Variants in TTN observed in about 807,000 individuals in gnomAD.
TTN encodes the protein connectin.
TTN carries 1,525 observed loss-of-function variants against 3,223.0 expected under a neutral mutation model. The observed-to-expected ratio is 0.47, with a 90% confidence interval of 0.45 to 0.49. The LOEUF (loss-of-function observed/expected upper bound fraction) is 0.49. Ranked by LOEUF, TTN falls within the 20% of genes least tolerant of loss-of-function variation. The pLI, the probability that TTN is intolerant of heterozygous loss-of-function variation, is 0.00. For missense variants in TTN, 40,786 were observed against 43,424.0 expected (o/e 0.94, Z 5.40); for synonymous variants, 14,094 against 15,161.0 (o/e 0.93, Z 5.17).
rs2062546208 is a variant in TTN at position 178,649,347 on chromosome 2, T to G, written c.39974-16A>C. The G allele has an allele frequency of 2.1e-6, 3 of 1,421,558 alleles. No homozygotes were observed. In the East Asian group the frequency reaches 7.9e-5, roughly 37 times the overall value. 88.1% of individuals were successfully genotyped at this position (1,421,558 alleles called of 1,614,324 possible). A position where few individuals can be genotyped will look rare whatever the true frequency, so the allele number is the denominator to read the frequency against. Reference sequence around the variant, plus strand: ...ACCTCAGGCACTTTGAAGATATTAGTTTTGTTTTAAAAATAGTATTTAAAA... The same window carrying G: ...ACCTCAGGCACTTTGAAGATATTAGGTTTGTTTTAAAAATAGTATTTAAAA... On this transcript the variant is annotated splice_polypyrimidine_tract_variant and intron_variant, in intron 212 of 362. Transcript: ENST00000589042.
At position 178,565,055 on chromosome 2, in the gene TTN, G is replaced by A. The variant is rs1371024440; in HGVS notation, c.81077C>T (p.Thr27026Ile). The change falls in exon 326 of 363, where the codon ACA becomes ATA. Residue 27026 changes from threonine to isoleucine, a missense_variant. Coordinates refer to ENST00000589042, the MANE Select transcript of TTN (RefSeq NM_001267550.2). Reference protein sequence around the residue: ...TTTTWHMVSATVARTTIKITK... With the variant: ...TTTTWHMVSAIVARTTIKITK... ...TATTTTAATTGTTGTTCTTGCAACT[G>A]TTGCTGATACCATGTGCCAAGTGGT... 6.2e-7 allele frequency: 1 copy of A among 1,613,652 alleles called. No homozygotes were observed.
chr2:178,547,540 A>G lies in TTN; in HGVS notation c.94086T>C (p.Ser31362=), dbSNP rs919009792. Residue 31362 remains serine, a synonymous_variant, in exon 339 of 363, where the codon AGT becomes AGC. Transcript: ENST00000589042. The stretch of plus-strand genomic sequence containing the variant: ...TGACTTTAATTTGAGTGCGCTTGAC[A>G]CTGGAATTGACAAGCTGCCAAGCTG... ...GTTAWQLVNS[S]VKRTQIKVTH... 6.2e-7 allele frequency: 1 copy of G among 1,613,824 alleles called. No individual in the cohort carries two copies. The highest frequency in any genetic ancestry group is 8.5e-7 in the Non-Finnish European group (1 of 1,179,808).
At chr2:178,624,966 T>C (rs2058812179) in intron 241 of TTN, among the ~76,000 whole-genome samples, 1 of 151,988 alleles carries the variant, frequency 6.6e-6, no homozygotes, top group Non-Finnish European at 1.5e-5. Context: ...CAGCCAACTC[T>C]TGGTTAATAA....
At chr2:178,805,037 T>A (rs976702827) in intron 1 of TTN, among the ~76,000 whole-genome samples, 1 of 152,140 alleles carries the variant, frequency 6.6e-6, no homozygotes, top group African/African-American at 2.4e-5. Context: ...ACAAGACATG[T>A]GATAAATGTA....
chr2:178,534,905 T>C lies in TTN; in HGVS notation c.101710A>G (p.Ile33904Val). Reference protein sequence around the residue: ...FISGLDIFERINTSAFELNER... With the variant: ...FISGLDIFERVNTSAFELNER... ...TTAAGTTCAAAAGCACTTGTGTTAATGCGCTCAAATATGTCAAGTCCTGAT... is the reference window on the plus strand; with the variant it reads ...TTAAGTTCAAAAGCACTTGTGTTAACGCGCTCAAATATGTCAAGTCCTGAT... The change falls in exon 358 of 363, where the codon ATT becomes GTT. Residue 33904 changes from isoleucine to valine, a missense_variant. Ile to Val is a conservative substitution (Grantham distance 29, BLOSUM62 3). Transcript: ENST00000589042. 5.6e-6 allele frequency: 9 copies of C among 1,609,966 alleles called. No individual in the cohort carries two copies. The highest frequency in any genetic ancestry group is 7.6e-6 in the Non-Finnish European group (9 of 1,179,792).
chr2:178,539,764 CCT>C lies in TTN; in HGVS notation c.98299_98300del (p.Arg32767GlyfsTer2), dbSNP rs397517776. 13 of 1,613,662 alleles carry C rather than the reference CCT, an allele frequency of 8.1e-6. No individual in the cohort carries two copies. Among genetic ancestry groups the C allele is most frequent in the Non-Finnish European group, 1.1e-5 (13 of 1,179,770 alleles). On this transcript the variant is annotated frameshift_variant, in exon 352 of 363. Transcript: ENST00000589042. LOFTEE classifies it high-confidence loss of function. Reference protein sequence around the residue: ...HTELVIKEADRGDSGTYDLVL... With the variant: ...HTELVIKEADXGDSGTYDLVL... Reference sequence around the variant, plus strand: ...CCAGGTCATAAGTGCCAGAATCACCCCTGTCTGCTTCTTTGATCACAAGCTCA... The same window carrying C: ...CCAGGTCATAAGTGCCAGAATCACCCGTCTGCTTCTTTGATCACAAGCTCA...
At chr2:178,699,284 A>T (rs1305468648) in intron 111 of TTN, among the ~76,000 whole-genome samples, 13 of 151,566 alleles carry the variant, frequency 8.6e-5, no homozygotes. Context: ...AAGAGTAACA[A>T]GTGGGTTTAA....
At chr2:178,669,301 TA>T in intron 159 of TTN, 71 bp downstream of exon 159, 1 of 1,286,628 alleles carries the variant, frequency 7.8e-7, no homozygotes, top group African/African-American at 1.5e-5. Context: ...TTTTCAAAGC[TA>T]AAAAGACAAA....
rs922401573 is a variant in TTN, at chr2:178,779,910, G to C, written c.3729+90C>G. ...GACCTTCTAATAGCTGTCTAACCCC[G>C]AGCTCATCACTTGAAAATGAAAATA... On this transcript the variant is annotated intron_variant, in intron 22 of 362. Transcript: ENST00000589042. 6 of 1,346,528 alleles carry C rather than the reference G, an allele frequency of 4.5e-6. No homozygotes were observed. The African/African-American group carries it at 5.8e-5, about 13-fold the overall frequency. 83.4% of individuals were successfully genotyped at this position (1,346,528 alleles called of 1,614,324 possible).
At chr2:178,679,552 T>G in intron 141 of TTN, 47 bp downstream of exon 141, 1 of 1,592,578 alleles carries the variant, frequency 6.3e-7, no homozygotes, top group Non-Finnish European at 8.5e-7. Context: ...TAACTATTTC[T>G]AGGCAGATGA....
intron 13 of TTN, 65 bp from the exon 14 acceptor site, chr2:178,786,206 G>A: frequency 6.4e-7 from 1 of 1,559,038 alleles, no homozygotes; most frequent in East Asian, 2.3e-5. Flanking sequence ...TATCTCCTGG[G>A]CATCAGGACA....
Position 178,800,631 on chromosome 2 carries a change from C to G in TTN, c.347G>C (p.Arg116Thr), listed in dbSNP as rs569775318. 48 of 1,612,324 alleles carry G rather than the reference C, an allele frequency of 3.0e-5. No homozygotes were observed. The East Asian group carries it at 1.0e-3, about 35-fold the overall frequency. ...FVQRLQSMTV[R>T]QGSQVRLQVR... is the part of the protein sequence containing the mutation. ...TTGGAGTCTCACTTGGCTTCCTTGT[C>G]TCACGGTCATGCTCTGCAGTCGTTG... Residue 116 changes from arginine (R) to threonine (T), a missense_variant, in exon 4 of 363, where the codon AGA becomes ACA. Transcript: ENST00000589042.
intron 52 of TTN, 145 bp downstream of exon 52, chr2:178,734,183 C>A: frequency 9.9e-7 from 1 of 1,008,394 alleles, no homozygotes; most frequent in South Asian, 2.2e-5. Context: ...AAGTTACTGA[C>A]TTTGTTCCCA....
rs1350583693 is a variant in TTN, at chr2:178,532,912, A to G, written c.103703T>C (p.Met34568Thr). The change falls in exon 358 of 363, where the codon ATG (methionine) becomes ACG (threonine). Residue 34568 changes from methionine to threonine, a missense_variant. Physicochemically the swap from Met to Thr is moderately conservative, Grantham distance 81. Transcript: ENST00000589042. ...ATCACGTATCTTTTTATACCACTTCATGTCAGACATGGGCACGAACTGCTT... is the reference window on the plus strand; with the variant it reads ...ATCACGTATCTTTTTATACCACTTCGTGTCAGACATGGGCACGAACTGCTT... ...RIKQFVPMSD[M>T]KWYKKIRDQY... 1.9e-6 allele frequency: 3 copies of G among 1,613,884 alleles called. No individual in the cohort carries two copies. Among genetic ancestry groups the G allele is most frequent in the South Asian group, 1.1e-5 (1 of 91,072 alleles).
rs796103828 is a variant in TTN at position 178,805,327 on chromosome 2, G to A, written c.-13-672C>T. Among the ~76,000 whole-genome samples, 262 of 117,064 alleles carry A rather than the reference G, an allele frequency of 2.2e-3. 1 individual carries two copies. The highest frequency in any genetic ancestry group is 8.5e-3 in the African/African-American group (254 of 29,718). 76.8% of individuals were successfully genotyped at this position (117,064 alleles called of 152,430 possible). On this transcript the variant is annotated intron_variant, in intron 1 of 362. Coordinates refer to ENST00000589042, the MANE Select transcript of TTN (RefSeq NM_001267550.2). The stretch of plus-strand genomic sequence containing the variant: ...CCACCACACTCCAGCCTGGGTGACA[G>A]AATGAGACTCTGTCTCAAAAAAAAA...
Position 178,553,597 on chromosome 2 carries a change from C to A in TTN, c.89408G>T (p.Gly29803Val), listed in dbSNP as rs1264984362. Residue 29803 changes from glycine (G) to valine (V), a missense_variant, in exon 334 of 363, where the codon GGA becomes GTA. Gly to Val is a moderately radical substitution (Grantham distance 109). Transcript: ENST00000589042. ...TEYVVSNLKP[G>V]VNYYFRVSAV... ...AGATACCCGGAAGTAGTAATTGACTCCAGGTTTCAGGTTGGATACCACATA... is the reference window on the plus strand; with the variant it reads ...AGATACCCGGAAGTAGTAATTGACTACAGGTTTCAGGTTGGATACCACATA... 1.2e-6 allele frequency: 2 copies of A among 1,613,780 alleles called. No homozygotes were observed. The highest frequency in any genetic ancestry group is 1.7e-6 in the Non-Finnish European group (2 of 1,179,832).
chr2:178,715,691 C>T lies in TTN; in HGVS notation c.25723G>A (p.Gly8575Arg), dbSNP rs397517517. The stretch of plus-strand genomic sequence containing the variant: ...CATAAAACTTTGATTTCTGGAGACC[C>T]ACCGATTTTGCATTCATACCTTGTG... Reference protein sequence around the residue: ...EFTRYECKIGGSPEIKVLWYK... With the variant: ...EFTRYECKIGRSPEIKVLWYK... Residue 8575 changes from glycine (G) to arginine (R), a missense_variant, in exon 89 of 363, where the codon GGG (glycine) becomes AGG (arginine). Coordinates refer to ENST00000589042, the MANE Select transcript of TTN (RefSeq NM_001267550.2). The T allele has an allele frequency of 9.9e-6, 16 of 1,610,440 alleles. No homozygotes were observed. The highest frequency in any genetic ancestry group is 3.4e-5 in the Admixed American group (2 of 59,498).
In TTN at chr2:178,590,463, A is replaced by G; in HGVS notation, c.61262T>C (p.Ile20421Thr). 6.2e-7 allele frequency: 1 copy of G among 1,613,078 alleles called. No individual in the cohort carries two copies. The highest frequency in any genetic ancestry group is 8.5e-7 in the Non-Finnish European group (1 of 1,179,408). Residue 20421 changes from isoleucine (I) to threonine (T), a missense_variant, in exon 304 of 363, where the codon ATT (isoleucine) becomes ACT (threonine). Ile to Thr is a moderately conservative substitution (Grantham distance 89). Coordinates refer to ENST00000589042, the MANE Select transcript of TTN (RefSeq NM_001267550.2). ...TTGCCTAATGAGTTCATCTTTATTA[A>G]TCCTGTTCCATTGTGCTGTGCCAGG... ...QKPGTAQWNR[I>T]NKDELIRQCA...
At position 178,591,400 on chromosome 2, in the gene TTN, T is replaced by C; in HGVS notation, c.60325A>G (p.Thr20109Ala). The change falls in exon 304 of 363, where the codon ACT becomes GCT. Residue 20109 changes from threonine to alanine, a missense_variant. Physicochemically the swap from Thr to Ala is moderately conservative, Grantham distance 58. Transcript: ENST00000589042. Reference sequence around the variant, plus strand: ...CTCCCATCGGTTGTCCACTTTGCAGTAGGAACAGGCACACCTCTTATAATA... The same window carrying C: ...CTCCCATCGGTTGTCCACTTTGCAGCAGGAACAGGCACACCTCTTATAATA... The part of the protein sequence containing the change: ...PAIIRGVPVP[T>A]AKWTTDGSEI... 6.2e-7 allele frequency: 1 copy of C among 1,612,652 alleles called. No homozygotes were observed. The highest frequency in any genetic ancestry group is 1.1e-5 in the South Asian group (1 of 90,932).
Sources: allele counts gnomAD v4.1 joint callset (sites outside exome capture counted in the v4.1 genomes callset), GRCh38; gene constraint gnomAD v4.1.1; transcripts MANE v1.5; gene names NCBI Gene and HGNC (gene_info 2026-07-23, HGNC 2026-07-21).